Variants in PTPRD observed in about 807,000 individuals in gnomAD.
PTPRD encodes the protein protein tyrosine phosphatase receptor type D, also known as receptor-type tyrosine-protein phosphatase delta.
In PTPRD, 34 loss-of-function variants were observed where a neutral mutation model predicts 214.5. That is an observed-to-expected ratio of 0.16 (90% CI 0.12 to 0.21). The LOEUF (loss-of-function observed/expected upper bound fraction) is 0.21, where lower values mean the gene tolerates loss of function less well. Among genes scored for constraint, PTPRD ranks in the 10% least tolerant of loss-of-function variants. The pLI, the probability that PTPRD is intolerant of heterozygous loss-of-function variation, is 1.00. For synonymous variants in PTPRD, 1,128 were observed against 845.7 expected (o/e 1.33, Z -5.79); for missense variants, 2,545 against 2,398.7 (o/e 1.06, Z -1.27).
intron 30 of PTPRD, among the ~76,000 whole-genome samples, chr9:8,481,381 G>T (rs1288525576): frequency 6.6e-6 from 1 of 151,990 alleles, no homozygotes. Context: ...CCCAGGAAAG[G>T]TTGTTTTAGG....
chr9:8,946,713 G>T (rs758626234), intron 11 of PTPRD, among the ~76,000 whole-genome samples: 1 of 152,136 alleles, frequency 6.6e-6, no homozygotes, highest in Non-Finnish European at 1.5e-5. Context: ...AATGTTAACA[G>T]ATCCCCAGGT....
At chr9:8,319,383 G>A (rs917471005) in intron 45 of PTPRD, among the ~76,000 whole-genome samples, 2 of 151,978 alleles carry the variant, frequency 1.3e-5, no homozygotes, top group Non-Finnish European at 2.9e-5. Flanking sequence ...GAATCAAAAT[G>A]TTTTGAATGG....
chr9:9,111,001 T>C (rs1161862683), intron 10 of PTPRD, among the ~76,000 whole-genome samples: 2 of 152,076 alleles, frequency 1.3e-5, no homozygotes, highest in Non-Finnish European at 2.9e-5. Context: ...TACCGATCTC[T>C]GTGATTGGCA....
intron 14 of PTPRD, among the ~76,000 whole-genome samples, chr9:8,593,696 T>G (rs2094285409): frequency 6.6e-6 from 1 of 151,638 alleles, no homozygotes; most frequent in African/African-American, 2.4e-5. Flanking sequence ...TTAAGAGGAG[T>G]GGTAGATTTT....
At chr9:9,173,912 C>G (rs1460072643) in intron 10 of PTPRD, among the ~76,000 whole-genome samples, 3 of 151,986 alleles carry the variant, frequency 2.0e-5, no homozygotes, top group Non-Finnish European at 4.4e-5. Context: ...CACTTTGGCT[C>G]CTACCGGCAT....
At chr9:9,616,327 A>C (rs537547057) in intron 7 of PTPRD, among the ~76,000 whole-genome samples, 24 of 152,170 alleles carry the variant, frequency 1.6e-4, no homozygotes, top group Non-Finnish European at 2.6e-4. Flanking sequence ...TTATTTGCTA[A>C]ATCTGGCAAG....
At chr9:10,066,143 CT>C (rs553837980) in intron 3 of PTPRD, among the ~76,000 whole-genome samples, 4 of 150,836 alleles carry the variant, frequency 2.7e-5, no homozygotes, top group East Asian at 3.9e-4. Flanking sequence ...CTGCAGGATA[CT>C]TTTTTTTTAT....
rs919222256 is a variant in PTPRD at position 8,812,787 on chromosome 9, C to G, written c.-103-78841G>C. Among the ~76,000 whole-genome samples, 9 of 151,300 alleles carry G rather than the reference C, an allele frequency of 5.9e-5. No homozygotes were observed. The East Asian group carries it at 1.7e-3, about 29-fold the overall frequency. On this transcript the variant is annotated intron_variant, in intron 11 of 45. Transcript: ENST00000381196. ...CTTTTTTTTTAAAGACAGTAATGAT[C>G]TTGGACTTACCTCAGAAACATTGTT... is the stretch of plus-strand genomic sequence containing the variant.
chr9:10,388,358 G>A (rs572347368), intron 2 of PTPRD, among the ~76,000 whole-genome samples: 1 of 151,694 alleles, frequency 6.6e-6, no homozygotes, highest in Non-Finnish European at 1.5e-5. Context: ...TTCCTGACTA[G>A]GGAATACAAG....
chr9:10,059,710 G>A (rs1407258885), intron 3 of PTPRD, among the ~76,000 whole-genome samples: 1 of 151,108 alleles, frequency 6.6e-6, no homozygotes, highest in Non-Finnish European at 1.5e-5. Context: ...ATCTCAAATC[G>A]TTTTTAATTT....
intron 11 of PTPRD, among the ~76,000 whole-genome samples, chr9:8,751,043 G>A (rs921735332): frequency 2.0e-5 from 3 of 152,040 alleles, no homozygotes; most frequent in Non-Finnish European, 4.4e-5. Context: ...TTTATAAAAG[G>A]CTCACCAGTT....
intron 14 of PTPRD, among the ~76,000 whole-genome samples, chr9:8,614,470 T>C (rs1217850818): frequency 6.6e-6 from 1 of 152,162 alleles, no homozygotes; most frequent in African/African-American, 2.4e-5. Context: ...AGATTAATGC[T>C]GAATGTTGTA....
chr9:9,917,972 T>A (rs560057911), intron 5 of PTPRD, among the ~76,000 whole-genome samples: 1 of 152,054 alleles, frequency 6.6e-6, no homozygotes, highest in South Asian at 2.1e-4. Flanking sequence ...TACTGATCAG[T>A]GAAAAGCTGG....
At chr9:10,106,732 T>C (rs968143325) in intron 3 of PTPRD, among the ~76,000 whole-genome samples, 2 of 151,938 alleles carry the variant, frequency 1.3e-5, no homozygotes, top group Non-Finnish European at 2.9e-5. Context: ...CGTGTCTTTC[T>C]CTTTCTTTTT....
At chr9:10,221,304 C>G (rs1483199303) in intron 3 of PTPRD, among the ~76,000 whole-genome samples, 1 of 152,004 alleles carries the variant, frequency 6.6e-6, no homozygotes, top group African/African-American at 2.4e-5. Context: ...TGCACACACA[C>G]ATATACGCAA....
chr9:9,287,288 C>T (rs1048199666), intron 9 of PTPRD, among the ~76,000 whole-genome samples: 10 of 151,696 alleles, frequency 6.6e-5, no homozygotes, highest in African/African-American at 2.4e-4. Context: ...GTGCTAGCCC[C>T]ATTTAAAAAT....
chr9:9,335,064 G>C (rs1161366110), intron 9 of PTPRD, among the ~76,000 whole-genome samples: 1 of 151,974 alleles, frequency 6.6e-6, no homozygotes, highest in African/African-American at 2.4e-5. Context: ...TCATCTTGTA[G>C]TTAACTGCAG....
intron 9 of PTPRD, among the ~76,000 whole-genome samples, chr9:9,307,808 T>A (rs1054439200): frequency 3.3e-5 from 5 of 152,320 alleles, no homozygotes; most frequent in Middle Eastern, 3.4e-3. Flanking sequence ...AATTGACCAG[T>A]ATCATCTTCC....
intron 7 of PTPRD, among the ~76,000 whole-genome samples, chr9:9,583,498 T>C (rs193197089): frequency 0.011 from 1,648 of 152,196 alleles, 17 homozygotes; most frequent in Non-Finnish European, 0.016. Flanking sequence ...TTTTCCTTAG[T>C]TGACAATGAG....
Sources: gnomAD v4.1 joint callset for allele counts (sites outside exome capture counted in the v4.1 genomes callset) on GRCh38, gnomAD v4.1.1 for gene constraint, MANE v1.5 for transcripts, NCBI Gene and HGNC (gene_info 2026-07-23, HGNC 2026-07-21) for gene names.